ZNF248: variants seen among roughly 807,000 people sequenced by gnomAD.
The protein encoded by ZNF248 is KRAB protein domain.
In ZNF248, 20 loss-of-function variants were observed where a neutral mutation model predicts 44.3. The ratio of observed to expected loss-of-function variants is 0.45; its 90% CI spans 0.32 to 0.66. The LOEUF (loss-of-function observed/expected upper bound fraction) is 0.66. Ranked by LOEUF, ZNF248 falls within the 30% of genes least tolerant of loss-of-function variation. The pLI, the probability that ZNF248 is intolerant of heterozygous loss-of-function variation, is 0.04. For missense variants in ZNF248, 654 were observed against 677.0 expected, an observed-to-expected ratio of 0.97 and a Z score of 0.38; for synonymous variants, 224 against 229.0, an observed-to-expected ratio of 0.98 and a Z score of 0.20.
the ZNF248 span, among the ~76,000 whole-genome samples, chr10:37,770,038 T>A: frequency 3.3e-5 from 5 of 151,966 alleles, no homozygotes; most frequent in African/African-American, 4.8e-5. Flanking sequence ...TTCAAAGAGA[T>A]TAAAATACCT....
chr10:37,830,585 T>C lies in ZNF248; in HGVS notation c.*1030A>G, dbSNP rs2055352023. 7.1e-6 allele frequency: 7 copies of C among 985,318 alleles called. No homozygotes were observed. The highest frequency in any genetic ancestry group is 8.4e-6 in the Non-Finnish European group (7 of 829,940). 61.0% of individuals were successfully genotyped at this position (985,318 alleles called of 1,614,324 possible). A position where few individuals can be genotyped will look rare whatever the true frequency, so the allele number is the denominator to read the frequency against. On this transcript the variant is annotated 3_prime_UTR_variant, in exon 6 of 6. Coordinates refer to ENST00000395867, the MANE Select transcript of ZNF248 (RefSeq NM_021045.3). ...AAATAGAAGGGGTATGTGGTTTGTA[T>C]TGCCAAATACGTTTTCATATATACA...
At chr10:37,766,116 G>A in the ZNF248 span, among the ~76,000 whole-genome samples, 4 of 152,368 alleles carry the variant, frequency 2.6e-5, no homozygotes, top group South Asian at 2.1e-4. Context: ...CAGGAAGCTC[G>A]AACTGGGTGG....
rs770615802 is a variant in ZNF248 at position 37,848,544 on chromosome 10, C to T, written c.15+7752G>A. Among the ~76,000 whole-genome samples, 83 of 151,392 alleles carry T rather than the reference C, an allele frequency of 5.5e-4. No individual in the cohort carries two copies. The Middle Eastern group carries it at 0.014, about 25-fold the overall frequency. On this transcript the variant is annotated intron_variant, in intron 3 of 5. Coordinates refer to ENST00000395867, the MANE Select transcript of ZNF248 (RefSeq NM_021045.3). ...GTTGCAGTGAGCCAAGATCACACCA[C>T]TGCACTCCAGCCTGGGTGACAGAGC...
rs765120480 is a variant in ZNF248 at position 37,832,235 on chromosome 10, G to C, written c.1120C>G (p.His374Asp). 1 of 1,614,024 alleles carries C rather than the reference G, an allele frequency of 6.2e-7. No homozygotes were observed. The change falls in exon 6 of 6, where the codon CAC (histidine) becomes GAC (aspartate). Residue 374 changes from histidine (H) to aspartate (D), a missense_variant. Transcript: ENST00000395867. Reference sequence around the variant, plus strand: ...CATTCAAAGGTTTTTTCTCCTGTGTGAGCTCTCCGAAGCTGGGTAAGATGT... The same window carrying C: ...CATTCAAAGGTTTTTTCTCCTGTGTCAGCTCTCCGAAGCTGGGTAAGATGT... ...KSHLTQLRRA[H>D]TGEKTFECGE... is the part of the protein sequence containing the mutation.
chr10:37,780,770 C>A (rs906911231), intron 6 of ZNF248, among the ~76,000 whole-genome samples: 1 of 152,162 alleles, frequency 6.6e-6, no homozygotes, highest in Non-Finnish European at 1.5e-5. Flanking sequence ...ACCCCGCCCC[C>A]GCTCCCACTG....
Position 37,830,426 on chromosome 10 carries a change from T to C in ZNF248, c.*1189A>G. On this transcript the variant is annotated 3_prime_UTR_variant, in exon 6 of 6. Coordinates refer to ENST00000395867, the MANE Select transcript of ZNF248 (RefSeq NM_021045.3). ...CACTAAAAACATATACTGGCCAACC[T>C]ACAAAGAGACTCCGGTAGTATTTAG... 1.0e-6 allele frequency: 1 copy of C among 985,322 alleles called. No homozygotes were observed. The highest frequency in any genetic ancestry group is 1.2e-6 in the Non-Finnish European group (1 of 829,910). 61.0% of individuals were successfully genotyped at this position (985,322 alleles called of 1,614,324 possible). A position where few individuals can be genotyped will look rare whatever the true frequency, so the allele number is the denominator to read the frequency against.
chr10:37,843,935 G>T (rs2058810715), intron 3 of ZNF248, among the ~76,000 whole-genome samples: 1 of 152,054 alleles, frequency 6.6e-6, no homozygotes, highest in African/African-American at 2.4e-5. Flanking sequence ...CCTTTGAGTG[G>T]ACTATCTATC....
At chr10:37,801,756 G>A (rs938161003) in intron 6 of ZNF248, among the ~76,000 whole-genome samples, 2 of 152,174 alleles carry the variant, frequency 1.3e-5, no homozygotes, top group African/African-American at 4.8e-5. Flanking sequence ...CAGCAAGGAA[G>A]CAGAGTGAGT....
At chr10:37,843,886 TA>T (rs2058799165) in intron 3 of ZNF248, among the ~76,000 whole-genome samples, 1 of 151,772 alleles carries the variant, frequency 6.6e-6, no homozygotes, top group South Asian at 2.1e-4. Context: ...AAAAAATATA[TA>T]AAGAAATGTG....
At chr10:37,837,834 A>C in intron 4 of ZNF248, 122 bp from the exon 5 acceptor site, 1 of 1,346,984 alleles carries the variant, frequency 7.4e-7, no homozygotes, top group Non-Finnish European at 1.0e-6. Flanking sequence ...CAAATGAACC[A>C]ATCTCTGACA....
At chr10:37,785,605 T>C (rs889986511) in intron 6 of ZNF248, among the ~76,000 whole-genome samples, 2 of 152,132 alleles carry the variant, frequency 1.3e-5, no homozygotes, top group African/African-American at 4.8e-5. Flanking sequence ...GAATGAACAC[T>C]CCATGGAGTA....
intron 6 of ZNF248, among the ~76,000 whole-genome samples, chr10:37,812,928 T>A (rs1262735462): frequency 6.6e-6 from 1 of 151,214 alleles, no homozygotes; most frequent in African/African-American, 2.4e-5. Flanking sequence ...AAATTCCTTC[T>A]GGAGAAAACT....
rs538372973 is a variant in ZNF248, at chr10:37,829,343, T to C, written c.*2272A>G. The C allele has an allele frequency of 2.4e-5, 24 of 985,446 alleles. No homozygotes were observed. In the African/African-American group the frequency reaches 4.2e-4, roughly 17 times the overall value. The allele number at this position is 985,446 out of a possible 1,614,324, so 61.0% of individuals were successfully genotyped here. ...GTCCCTTGTTTCTGGCCCACACCACTGTAATCAGTCTGCCATTAAAATATT... is the reference window on the plus strand; with the variant it reads ...GTCCCTTGTTTCTGGCCCACACCACCGTAATCAGTCTGCCATTAAAATATT... On this transcript the variant is annotated 3_prime_UTR_variant, in exon 6 of 6. Transcript: ENST00000395867.
At chr10:37,771,636 A>C (rs1253935434), downstream of ZNF248, among the ~76,000 whole-genome samples, 1 of 96,020 alleles carries the variant, frequency 1.0e-5, no homozygotes, top group Non-Finnish European at 2.1e-5. Flanking sequence ...GGGTGGAGGG[A>C]GGGGGGAGGG....
At position 37,831,136 on chromosome 10, in the gene ZNF248, G is replaced by C. The variant is rs995771939; in HGVS notation, c.*479C>G. 4.9e-5 allele frequency: 72 copies of C among 1,458,746 alleles called. No homozygotes were observed. Among genetic ancestry groups the C allele is most frequent in the Non-Finnish European group, 6.2e-5 (68 of 1,104,158 alleles). The allele number at this position is 1,458,746 out of a possible 1,614,324, so 90.4% of individuals were successfully genotyped here. On this transcript the variant is annotated 3_prime_UTR_variant, in exon 6 of 6. Coordinates refer to ENST00000395867, the MANE Select transcript of ZNF248 (RefSeq NM_021045.3). ...GAAAATATTAACAAATACCATAGTA[G>C]TTACTCAATTAAGGGTACGTATCTT...
intron 6 of ZNF248, chr10:37,803,412 G>T (rs997687512): frequency 2.6e-5 from 4 of 152,268 alleles, no homozygotes; most frequent in Admixed American, 6.5e-5. Context: ...TGTGCTGCCT[G>T]CCCCTTGCTC....
At chr10:37,767,158 T>C in the ZNF248 span, among the ~76,000 whole-genome samples, 49 of 152,284 alleles carry the variant, frequency 3.2e-4, no homozygotes, top group South Asian at 5.0e-3. Flanking sequence ...TTGGTGTACC[T>C]GAAAGTGACG....
the ZNF248 span, among the ~76,000 whole-genome samples, chr10:37,763,306 AC>A: frequency 6.6e-6 from 1 of 152,338 alleles, no homozygotes; most frequent in South Asian, 2.1e-4. Context: ...GGCTTGCAAG[AC>A]TGCCTCCTTT....
intron 6 of ZNF248, among the ~76,000 whole-genome samples, chr10:37,822,121 G>A (rs978613887): frequency 1.3e-4 from 20 of 152,236 alleles, no homozygotes; most frequent in South Asian, 6.2e-4. Context: ...GTAGACACTC[G>A]GTAGCAATCA....
Sources: gnomAD v4.1 joint callset for allele counts (sites outside exome capture counted in the v4.1 genomes callset) on GRCh38, gnomAD v4.1.1 for gene constraint, MANE v1.5 for transcripts, NCBI Gene and HGNC (gene_info 2026-07-23, HGNC 2026-07-21) for gene names.